CCDC178: variants seen among roughly 807,000 people sequenced by gnomAD.
The protein encoded by CCDC178 is coiled-coil domain-containing protein 178.
CCDC178 carries 126 observed loss-of-function variants against 117.4 expected under a neutral mutation model. The observed-to-expected ratio is 1.07, with a 90% CI of 0.93 to 1.24. The LOEUF is 1.24. Among genes scored for constraint, CCDC178 ranks in the 50% most tolerant of loss-of-function variants. The pLI, the probability that CCDC178 is intolerant of heterozygous loss-of-function variation, is 0.00. For synonymous variants in CCDC178, 283 were observed against 313.4 expected (o/e 0.90, Z 1.02); for missense variants, 1,030 against 986.9 (o/e 1.04, Z -0.59).
chr18:33,423,366 T>C (rs2064059195), intron 2 of CCDC178, among the ~76,000 whole-genome samples: 1 of 152,112 alleles, frequency 6.6e-6, no homozygotes, highest in Admixed American at 6.5e-5. Context: ...TAGTATACTG[T>C]AAAAAAATTC....
intron 20 of CCDC178, among the ~76,000 whole-genome samples, chr18:33,110,216 G>A (rs2057762320): frequency 6.6e-6 from 1 of 151,498 alleles, no homozygotes; most frequent in Admixed American, 6.6e-5. Flanking sequence ...CGATTTTCCA[G>A]TCTTTGTCAC....
chr18:32,942,358 C>T (rs747470070), intron 22 of CCDC178, among the ~76,000 whole-genome samples: 8 of 152,066 alleles, frequency 5.3e-5, no homozygotes, highest in South Asian at 2.1e-4. Context: ...GATCAATCTT[C>T]GCAGCTCTCT....
intron 21 of CCDC178, among the ~76,000 whole-genome samples, chr18:33,074,052 G>A (rs2057160962): frequency 6.6e-6 from 1 of 152,090 alleles, no homozygotes; most frequent in African/African-American, 2.4e-5. Flanking sequence ...AGCACACTGA[G>A]GTGAGTGAGA....
intron 21 of CCDC178, among the ~76,000 whole-genome samples, chr18:33,025,485 G>T (rs548474011): frequency 6.6e-6 from 1 of 151,976 alleles, no homozygotes; most frequent in Non-Finnish European, 1.5e-5. Flanking sequence ...GAAAATATTT[G>T]TAAGTCACTC....
At chr18:33,246,838 C>T (rs1031163802) in intron 14 of CCDC178, among the ~76,000 whole-genome samples, 2 of 151,792 alleles carry the variant, frequency 1.3e-5, no homozygotes, top group Non-Finnish European at 2.9e-5. Context: ...AGACCAATAA[C>T]TCAACAATGC....
At chr18:33,440,504 TCTAA>T (rs1216699597) in intron 1 of CCDC178, 145 bp downstream of exon 1, 2 of 152,070 alleles carry the variant, frequency 1.3e-5, no homozygotes, top group African/African-American at 4.8e-5. Context: ...ACTAGTCGAC[TCTAA>T]CTCCCTCAGG....
At chr18:33,428,802 A>C (rs1401110211) in intron 2 of CCDC178, among the ~76,000 whole-genome samples, 1 of 150,808 alleles carries the variant, frequency 6.6e-6, no homozygotes, top group African/African-American at 2.4e-5. Flanking sequence ...GGGTAATATA[A>C]CAGGGTTCCT....
chr18:33,036,631 G>A (rs1353976358), intron 21 of CCDC178, among the ~76,000 whole-genome samples: 4 of 151,898 alleles, frequency 2.6e-5, no homozygotes, highest in African/African-American at 7.2e-5. Context: ...ACAACTTGGT[G>A]TACAAAGAGA....
intron 20 of CCDC178, among the ~76,000 whole-genome samples, chr18:33,147,774 C>A (rs2058288564): frequency 6.6e-6 from 1 of 152,210 alleles, no homozygotes; most frequent in East Asian, 1.9e-4. Context: ...CTTCCCTCTA[C>A]ATAGACACAG....
intron 2 of CCDC178, among the ~76,000 whole-genome samples, chr18:33,421,699 T>C (rs1285808095): frequency 6.6e-6 from 1 of 152,124 alleles, no homozygotes; most frequent in Non-Finnish European, 1.5e-5. Context: ...GAATTACAGA[T>C]GTAATGGCTG....
intron 21 of CCDC178, among the ~76,000 whole-genome samples, chr18:32,982,760 A>T (rs1364571065): frequency 6.6e-6 from 1 of 152,216 alleles, no homozygotes; most frequent in Non-Finnish European, 1.5e-5. Flanking sequence ...TACAACATGT[A>T]GGACAAGTAT....
chr18:33,423,473 T>G (rs1406956015), intron 2 of CCDC178, among the ~76,000 whole-genome samples: 1 of 152,214 alleles, frequency 6.6e-6, no homozygotes, highest in Non-Finnish European at 1.5e-5. Context: ...AGAATTTTAT[T>G]GTATTAGTAT....
At chr18:33,298,207 CATAG>C (rs1200795464) in intron 11 of CCDC178, among the ~76,000 whole-genome samples, 6 of 152,048 alleles carry the variant, frequency 3.9e-5, no homozygotes, top group African/African-American at 1.2e-4. Context: ...ATCTGATGAA[CATAG>C]ATAGAAACAT....
chr18:33,354,130 A>G (rs2063018731), intron 7 of CCDC178, among the ~76,000 whole-genome samples: 1 of 152,124 alleles, frequency 6.6e-6, no homozygotes, highest in Admixed American at 6.6e-5. Context: ...GACTTCCACA[A>G]TTCCTAATGA....
intron 2 of CCDC178, among the ~76,000 whole-genome samples, chr18:33,414,426 C>G (rs1474519509): frequency 1.3e-5 from 2 of 152,148 alleles, no homozygotes; most frequent in East Asian, 1.9e-4. Flanking sequence ...CTTTGACAAA[C>G]CTGACAAAAA....
At chr18:33,300,643 A>C (rs2062165018) in intron 11 of CCDC178, among the ~76,000 whole-genome samples, 1 of 152,208 alleles carries the variant, frequency 6.6e-6, no homozygotes, top group Non-Finnish European at 1.5e-5. Flanking sequence ...CTGAGCAAAG[A>C]GCTTGACTGC....
At chr18:33,260,937 T>C (rs1285543439) in intron 14 of CCDC178, among the ~76,000 whole-genome samples, 1 of 152,216 alleles carries the variant, frequency 6.6e-6, no homozygotes, top group Non-Finnish European at 1.5e-5. Context: ...CTAACATGAG[T>C]AACGAGTCAT....
chr18:33,346,969 G>A (rs2062903431), intron 8 of CCDC178, among the ~76,000 whole-genome samples: 1 of 152,058 alleles, frequency 6.6e-6, no homozygotes, highest in Non-Finnish European at 1.5e-5. Context: ...AGATATTTGT[G>A]ATTCCTGGTT....
intron 21 of CCDC178, among the ~76,000 whole-genome samples, chr18:33,014,640 G>C (rs2055940932): frequency 6.6e-6 from 1 of 151,746 alleles, no homozygotes; most frequent in Non-Finnish European, 1.5e-5. Context: ...ATTGTTTTAT[G>C]TATGTATAAC....
Sources: gnomAD v4.1 joint callset for allele counts (sites outside exome capture counted in the v4.1 genomes callset) on GRCh38, gnomAD v4.1.1 for gene constraint, MANE v1.5 for transcripts, NCBI Gene and HGNC (gene_info 2026-07-23, HGNC 2026-07-21) for gene names.